The following STK32A variants were observed in gnomAD, a reference collection of about 807,000 sequenced individuals.
STK32A encodes serine/threonine-protein kinase 32A.
Under a neutral mutation model 53.2 loss-of-function variants are expected in STK32A, and 41 were observed. The ratio of observed to expected loss-of-function variants is 0.77; its 90% CI spans 0.60 to 1.00. The LOEUF (loss-of-function observed/expected upper bound fraction) is 1.00, where lower values mean the gene tolerates loss of function less well. Among genes scored for constraint, STK32A ranks in the 50% least tolerant of loss-of-function variants. The pLI, the probability that STK32A is intolerant of heterozygous loss-of-function variation, is 0.00. For missense variants in STK32A, 458 were observed against 485.8 expected (o/e 0.94, Z 0.54); for synonymous variants, 166 against 162.8 (o/e 1.02, Z -0.15).
intron 5 of STK32A, among the ~76,000 whole-genome samples, chr5:147,335,964 C>T (rs1021819003): frequency 6.6e-6 from 1 of 152,180 alleles, no homozygotes; most frequent in Non-Finnish European, 1.5e-5. Context: ...GCTGCACAGT[C>T]GAGATCTGAG....
chr5:147,354,850 G>T (rs898820499), intron 7 of STK32A, among the ~76,000 whole-genome samples: 2 of 152,122 alleles, frequency 1.3e-5, no homozygotes, highest in South Asian at 2.1e-4. Context: ...GTTTTTAAAT[G>T]GTTCTAAGTC....
At chr5:147,373,347 G>A in intron 10 of STK32A, 53 bp downstream of exon 10, 2 of 1,600,778 alleles carry the variant, frequency 1.2e-6, no homozygotes, top group South Asian at 2.2e-5. Flanking sequence ...GCATTACCCG[G>A]TGTGCCAGAT....
At chr5:147,264,896 A>G (rs994098695) in intron 2 of STK32A, among the ~76,000 whole-genome samples, 3 of 151,966 alleles carry the variant, frequency 2.0e-5, no homozygotes, top group Non-Finnish European at 2.9e-5. Flanking sequence ...AAAATAACAA[A>G]TCTTTTAGAA....
rs376486338 is a variant in STK32A, at chr5:147,239,692, A to G, written c.52+6A>G. 34 of 1,602,108 alleles carry G rather than the reference A, an allele frequency of 2.1e-5. No individual in the cohort carries two copies. In the African/African-American group the frequency reaches 4.4e-4, roughly 21 times the overall value. On this transcript the variant is annotated splice_donor_region_variant and intron_variant, in intron 2 of 12. Transcript: ENST00000397936. ...GTTTGATGAAAATGAAGATGGTAAG[A>G]AATATGGGATAGTGGCATATAAAAA...
chr5:147,353,824 T>C (rs1385230001), intron 7 of STK32A, among the ~76,000 whole-genome samples: 1 of 152,184 alleles, frequency 6.6e-6, no homozygotes, highest in East Asian at 1.9e-4. Flanking sequence ...TTAGTTAAGA[T>C]GCTTAAAGCA....
intron 4 of STK32A, among the ~76,000 whole-genome samples, chr5:147,305,091 T>TA (rs969931416): frequency 2.4e-4 from 36 of 149,234 alleles, no homozygotes; most frequent in South Asian, 4.2e-4. Context: ...TCTAAAAAAC[T>TA]AAAAAAAAAA....
At chr5:147,360,450 C>CAA (rs56690647) in intron 7 of STK32A, among the ~76,000 whole-genome samples, 1,154 of 80,996 alleles carry the variant, frequency 0.014, 32 homozygotes, top group African/African-American at 0.043. Flanking sequence ...GATTCTGTCT[C>CAA]AAAAAAAAAA....
At chr5:147,354,078 T>C (rs1756111931) in intron 7 of STK32A, among the ~76,000 whole-genome samples, 2 of 152,056 alleles carry the variant, frequency 1.3e-5, no homozygotes, top group Middle Eastern at 3.4e-3. Flanking sequence ...AGAAATCTTC[T>C]ATGAGAAAAA....
chr5:147,316,810 G>A (rs1458493334), intron 4 of STK32A, among the ~76,000 whole-genome samples: 1 of 140,948 alleles, frequency 7.1e-6, no homozygotes, highest in East Asian at 2.1e-4. Flanking sequence ...AACTATGATG[G>A]CACCACTGTG....
intron 2 of STK32A, among the ~76,000 whole-genome samples, chr5:147,266,411 G>GTC (rs1754813227): frequency 6.6e-6 from 1 of 152,166 alleles, no homozygotes; most frequent in Non-Finnish European, 1.5e-5. Context: ...TTTGATAATA[G>GTC]CATGTTGGTA....
At chr5:147,258,137 T>G (rs1754318944) in intron 2 of STK32A, among the ~76,000 whole-genome samples, 1 of 108,756 alleles carries the variant, frequency 9.2e-6, no homozygotes, top group Non-Finnish European at 2.0e-5. Context: ...AATGTATGAT[T>G]CTTATAGACT....
Position 147,373,270 on chromosome 5 carries a change from G to A in STK32A, c.879G>A (p.Arg293=), listed in dbSNP as rs150148750. ...DINWDAVFQK[R]LIPGFIPNKG... ...ACTGGGATGCAGTTTTTCAGAAGAG[G>A]CTCATTCCAGGTTTCATTCCTAATG... Residue 293 remains arginine (R), a synonymous_variant, in exon 10 of 13, where the codon AGG becomes AGA. Transcript: ENST00000397936. The A allele has an allele frequency of 4.7e-5, 76 of 1,613,256 alleles. No individual in the cohort carries two copies. The African/African-American group carries it at 9.7e-4, about 21-fold the overall frequency.
At chr5:147,398,379 C>T in the STK32A span, among the ~76,000 whole-genome samples, 3 of 152,180 alleles carry the variant, frequency 2.0e-5, no homozygotes, top group Non-Finnish European at 4.4e-5. Context: ...GCTAGCTTCA[C>T]CATTCGCTTG....
intron 2 of STK32A, among the ~76,000 whole-genome samples, chr5:147,255,561 G>C (rs1561671214): frequency 6.6e-6 from 1 of 152,202 alleles, no homozygotes; most frequent in Non-Finnish European, 1.5e-5. Flanking sequence ...TTATTGGATA[G>C]AGCAGTCAGA....
intron 7 of STK32A, among the ~76,000 whole-genome samples, chr5:147,354,687 CA>C (rs1434332974): frequency 3.9e-5 from 6 of 152,096 alleles, no homozygotes; most frequent in Non-Finnish European, 8.8e-5. Flanking sequence ...TGAGAAAAAT[CA>C]GAAGCTAAAT....
chr5:147,334,840 AT>A (rs1302975912), intron 5 of STK32A, among the ~76,000 whole-genome samples: 1 of 152,126 alleles, frequency 6.6e-6, no homozygotes, highest in Non-Finnish European at 1.5e-5. Context: ...AGTTAGTTGA[AT>A]AATTACTGTG....
the STK32A span, among the ~76,000 whole-genome samples, chr5:147,401,052 C>G: frequency 6.6e-6 from 1 of 152,138 alleles, no homozygotes; most frequent in East Asian, 1.9e-4. Context: ...TAGCTCATCT[C>G]TTTTGTAGCA....
intron 2 of STK32A, among the ~76,000 whole-genome samples, chr5:147,254,329 A>T (rs1754129450): frequency 6.6e-6 from 1 of 152,152 alleles, no homozygotes; most frequent in Non-Finnish European, 1.5e-5. Context: ...TTCAAGTCTT[A>T]GTGCTTCACT....
intron 11 of STK32A, chr5:147,382,750 T>C (rs1226901052): frequency 6.6e-6 from 1 of 152,182 alleles, no homozygotes; most frequent in Non-Finnish European, 1.5e-5. Flanking sequence ...ACACATGCAG[T>C]TGTTTTTGAA....
Sources: gnomAD v4.1 joint callset for allele counts (sites outside exome capture counted in the v4.1 genomes callset) on GRCh38, gnomAD v4.1.1 for gene constraint, MANE v1.5 for transcripts, NCBI Gene and HGNC (gene_info 2026-07-23, HGNC 2026-07-21) for gene names.